Variants in PKD1L1 observed in about 807,000 individuals in gnomAD.
PKD1L1 encodes polycystin 1 like 1, transient receptor potential channel interacting, also known as polycystin-1-like protein 1.
A neutral mutation model predicts 323.4 loss-of-function variants in PKD1L1; 236 were observed. The observed-to-expected ratio is 0.73, with a 90% CI of 0.66 to 0.81. The LOEUF is 0.81. Among genes scored for constraint, PKD1L1 ranks in the 40% least tolerant of loss-of-function variants. The pLI, the probability that PKD1L1 is intolerant of heterozygous loss-of-function variation, is 0.00. For missense variants in PKD1L1, 3,320 were observed against 3,508.0 expected, an observed-to-expected ratio of 0.95 and a Z score of 1.35; for synonymous variants, 1,344 against 1,335.0, an observed-to-expected ratio of 1.01 and a Z score of -0.15.
Position 47,829,687 on chromosome 7 carries a change from GA to G in PKD1L1, c.6559-87del, listed in dbSNP as rs148588151. 3,072 of 1,345,058 alleles carry G rather than the reference GA, an allele frequency of 2.3e-3. 43 individuals carry two copies. The African/African-American group carries it at 0.041, about 18-fold the overall frequency. The allele number at this position is 1,345,058 out of a possible 1,614,324, so 83.3% of individuals were successfully genotyped here. On this transcript the variant is annotated intron_variant, in intron 43 of 56. Transcript: ENST00000289672. ...AGCTGTCCTCCCGTCCCCTAATCAT[GA>G]ACAGGACTCCATCTCCCAGTTTTAA...
At chr7:47,861,196 G>C (rs999183245) in intron 26 of PKD1L1, among the ~76,000 whole-genome samples, 1 of 152,234 alleles carries the variant, frequency 6.6e-6, no homozygotes, top group Admixed American at 6.5e-5. Context: ...ATCTGTTACA[G>C]CAGCTAACAT....
At chr7:47,951,056 G>A (rs79373172), upstream of PKD1L1, among the ~76,000 whole-genome samples, 3,080 of 152,334 alleles carry the variant, frequency 0.02, 55 homozygotes, top group East Asian at 0.098. Context: ...AAGGTGAGAC[G>A]TGGATGCAGC....
intron 3 of PKD1L1, among the ~76,000 whole-genome samples, chr7:47,937,498 T>C (rs1362877205): frequency 6.6e-6 from 1 of 151,798 alleles, no homozygotes; most frequent in African/African-American, 2.4e-5. Flanking sequence ...ACTCAGGAAG[T>C]GGAGTTTCAT....
rs564227886 is a variant in PKD1L1, at chr7:47,942,834, C to A, written c.160+562G>T. On this transcript the variant is annotated intron_variant, in intron 2 of 56. Transcript: ENST00000289672. ...CTAAAGCAGAAAGTCAGGGGTGGGG[C>A]CCAGTGAAGGAGTTAAAAATATACC... Among the ~76,000 whole-genome samples, 9 of 152,134 alleles carry A rather than the reference C, an allele frequency of 5.9e-5. No individual in the cohort carries two copies. In the South Asian group the frequency reaches 1.2e-3, roughly 21 times the overall value.
At chr7:47,834,519 T>A in intron 39 of PKD1L1, 134 bp from the exon 40 acceptor site, 1 of 767,954 alleles carries the variant, frequency 1.3e-6, no homozygotes. Context: ...CCAGAATGAG[T>A]ATTTCTGAGA....
At chr7:47,937,069 G>A (rs542895280) in intron 3 of PKD1L1, 111 bp from the exon 4 acceptor site, 36 of 789,804 alleles carry the variant, frequency 4.6e-5, no homozygotes, top group Admixed American at 1.4e-4. Context: ...CCTGCTGTGC[G>A]CCCAGCACTG....
rs552911318 is a variant in PKD1L1 at position 47,858,869 on chromosome 7, G to C, written c.4166C>G (p.Ala1389Gly). The change falls in exon 27 of 57, where the codon GCG becomes GGG. Residue 1389 changes from alanine (A) to glycine (G), a missense_variant. Ala to Gly is a moderately conservative substitution (Grantham distance 60). Coordinates refer to ENST00000289672, the MANE Select transcript of PKD1L1 (RefSeq NM_138295.5). ...SFSNKLGFMS[A>G]VLILKYTRAL... ...CCGGGTGTACTTGAGGATGAGAACCGCACTCATAAAGCCTAGCTGCATGAA... is the reference window on the plus strand; with the variant it reads ...CCGGGTGTACTTGAGGATGAGAACCCCACTCATAAAGCCTAGCTGCATGAA... 21 of 1,613,442 alleles carry C rather than the reference G, an allele frequency of 1.3e-5. No homozygotes were observed. The East Asian group carries it at 4.5e-4, about 34-fold the overall frequency.
chr7:47,904,556 T>C lies in PKD1L1; in HGVS notation c.1753A>G (p.Ile585Val). Residue 585 changes from isoleucine (I) to valine (V), a missense_variant, in exon 12 of 57, where the codon ATC (isoleucine) becomes GTC (valine). Coordinates refer to ENST00000289672, the MANE Select transcript of PKD1L1 (RefSeq NM_138295.5). Reference protein sequence around the residue: ...MSSVVSEPHVIRVQKKIVANR... With the variant: ...MSSVVSEPHVVRVQKKIVANR... The stretch of plus-strand genomic sequence containing the variant: ...GCCACAATTTTCTTCTGCACCCTGA[T>C]GACATGGGGCTCAGAGACCACACTG... The C allele has an allele frequency of 6.2e-7, 1 of 1,614,148 alleles. No individual in the cohort carries two copies. Among genetic ancestry groups the C allele is most frequent in the Non-Finnish European group, 8.5e-7 (1 of 1,180,028 alleles).
intron 24 of PKD1L1, among the ~76,000 whole-genome samples, chr7:47,868,537 A>C (rs1786214595): frequency 6.6e-6 from 1 of 152,182 alleles, no homozygotes; most frequent in Admixed American, 6.5e-5. Context: ...CATTAAAAGC[A>C]ATTTCTAAAA....
At chr7:47,871,068 A>G (rs1414339272) in intron 24 of PKD1L1, among the ~76,000 whole-genome samples, 1 of 152,134 alleles carries the variant, frequency 6.6e-6, no homozygotes, top group Non-Finnish European at 1.5e-5. Flanking sequence ...CAACACAGGA[A>G]AAGAAAGAAA....
intron 1 of PKD1L1, among the ~76,000 whole-genome samples, chr7:47,943,816 C>G (rs1350436166): frequency 2.6e-5 from 4 of 152,222 alleles, no homozygotes. Flanking sequence ...ATGCACAGAG[C>G]TGACCTTCCA....
Position 47,815,424 on chromosome 7 carries a change from G to T in PKD1L1, c.6999C>A (p.Asn2333Lys). 6.2e-7 allele frequency: 1 copy of T among 1,614,078 alleles called. No homozygotes were observed. The change falls in exon 47 of 57, where the codon AAC becomes AAA. Residue 2333 changes from asparagine to lysine, a missense_variant. By Grantham distance (94) the Asn-to-Lys change is moderately conservative. Transcript: ENST00000289672. ...NARNCLGGLR[N>K]IADWWDWSLT... ...GACTCCAGTCCCACCAGTCAGCGAT[G>T]TTTCTCAGGCCACCCAAGCAGTTTC...
At chr7:47,809,425 A>G in intron 51 of PKD1L1, 48 bp downstream of exon 51, 2 of 1,342,804 alleles carry the variant, frequency 1.5e-6, no homozygotes, top group Non-Finnish European at 2.0e-6. Flanking sequence ...TCAAGATATA[A>G]ACAGTTTATT....
intron 13 of PKD1L1, among the ~76,000 whole-genome samples, chr7:47,899,752 C>T (rs754311324): frequency 2.6e-5 from 4 of 152,054 alleles, no homozygotes; most frequent in Admixed American, 6.6e-5. Context: ...GTCAGGAGAT[C>T]AAGACCATCC....
intron 12 of PKD1L1, among the ~76,000 whole-genome samples, chr7:47,903,423 C>T (rs532997148): frequency 6.6e-6 from 1 of 152,294 alleles, no homozygotes; most frequent in Non-Finnish European, 1.5e-5. Context: ...CCGAGTATAT[C>T]GCCAGGTACC....
chr7:47,829,666 G>A (rs1324787261), intron 43 of PKD1L1, 65 bp from the exon 44 acceptor site: 4 of 1,455,074 alleles, frequency 2.7e-6, no homozygotes, highest in Non-Finnish European at 3.7e-6. Flanking sequence ...ACACAGAGCT[G>A]TCCTCCCGTC....
intron 56 of PKD1L1, among the ~76,000 whole-genome samples, chr7:47,777,122 C>A (rs1786586344): frequency 6.6e-6 from 1 of 152,210 alleles, no homozygotes; most frequent in African/African-American, 2.4e-5. Flanking sequence ...GAAATCCCAG[C>A]CTCAAGTGAT....
At chr7:47,921,430 A>G (rs1395018406) in intron 7 of PKD1L1, among the ~76,000 whole-genome samples, 1 of 152,200 alleles carries the variant, frequency 6.6e-6, no homozygotes, top group Non-Finnish European at 1.5e-5. Context: ...GAACGCTTCT[A>G]TACTGCTGGT....
chr7:47,885,880 G>C lies in PKD1L1; in HGVS notation c.3011C>G (p.Ala1004Gly). 3.1e-6 allele frequency: 5 copies of C among 1,614,228 alleles called. No homozygotes were observed. Among genetic ancestry groups the C allele is most frequent in the Non-Finnish European group, 4.2e-6 (5 of 1,180,050 alleles). ...PVTLGQPATSAPRGTPTEPMT... is the reference protein window; with the variant it reads ...PVTLGQPATSGPRGTPTEPMT... ...GGGCTCTGTGGGGGTTCCCCTTGGAGCTGAAGTGGCAGGTTGGCCAAGGGT... is the reference window on the plus strand; with the variant it reads ...GGGCTCTGTGGGGGTTCCCCTTGGACCTGAAGTGGCAGGTTGGCCAAGGGT... The change falls in exon 18 of 57, where the codon GCT (alanine) becomes GGT (glycine). Residue 1004 changes from alanine to glycine, a missense_variant. Ala to Gly is a moderately conservative substitution (Grantham distance 60). Transcript: ENST00000289672.
Sources: allele counts gnomAD v4.1 joint callset (sites outside exome capture counted in the v4.1 genomes callset), GRCh38; gene constraint gnomAD v4.1.1; transcripts MANE v1.5; gene names NCBI Gene and HGNC (gene_info 2026-07-23, HGNC 2026-07-21).